MAN2A1: variants seen among roughly 807,000 people sequenced by gnomAD.
The protein encoded by MAN2A1 is mannosidase alpha class 2A member 1.
In MAN2A1, 76 loss-of-function variants were observed where a neutral mutation model predicts 142.6. The ratio of observed to expected loss-of-function variants is 0.53; its 90% CI spans 0.44 to 0.65. MAN2A1 has a LOEUF of 0.65. MAN2A1 is among the 30% of genes least tolerant of loss of function. The probability of loss-of-function intolerance (pLI) is 0.00; values close to 1 mark genes in which losing one functional copy is unlikely to be tolerated. For synonymous variants in MAN2A1, 559 were observed against 473.2 expected, an observed-to-expected ratio of 1.18 and a Z score of -2.35; for missense variants, 1,311 against 1,365.1, an observed-to-expected ratio of 0.96 and a Z score of 0.62.
intron 13 of MAN2A1, among the ~76,000 whole-genome samples, chr5:109,818,367 AC>A (rs900515737): frequency 1.3e-5 from 2 of 151,686 alleles, no homozygotes; most frequent in African/African-American, 4.9e-5. Context: ...CAAACTCCTG[AC>A]CCCGTGATCC....
rs1755939795 is a variant in MAN2A1 at position 109,868,694 on chromosome 5, G to A, written c.*1696G>A. On this transcript the variant is annotated 3_prime_UTR_variant, in exon 22 of 22. Coordinates refer to ENST00000261483, the MANE Select transcript of MAN2A1 (RefSeq NM_002372.4). The stretch of plus-strand genomic sequence containing the variant: ...AGTGTTGATAAAGATATTACAAGGG[G>A]TAATTTCATGCAATAAACATGTACC... 6.6e-6 allele frequency: 1 copy of A among 152,060 alleles called. No individual in the cohort carries two copies. The highest frequency in any genetic ancestry group is 2.1e-4 in the South Asian group (1 of 4,820). The allele number at this position is 152,060 out of a possible 1,614,324, so 9.4% of individuals were successfully genotyped here. A position where few individuals can be genotyped will look rare whatever the true frequency, so the allele number is the denominator to read the frequency against.
intron 5 of MAN2A1, among the ~76,000 whole-genome samples, chr5:109,758,741 A>G (rs906525143): frequency 1.3e-5 from 2 of 149,714 alleles, no homozygotes; most frequent in Non-Finnish European, 3.0e-5. Context: ...TATATTAACT[A>G]AAATATTAAT....
At chr5:109,786,957 C>CA (rs1254491227) in intron 10 of MAN2A1, among the ~76,000 whole-genome samples, 1 of 151,968 alleles carries the variant, frequency 6.6e-6, no homozygotes, top group Non-Finnish European at 1.5e-5. Flanking sequence ...TCTCCTCTGC[C>CA]ATAGTAGGGG....
chr5:109,789,219 A>G (rs1240319549), intron 11 of MAN2A1, among the ~76,000 whole-genome samples, 171 bp downstream of exon 11: 2 of 151,880 alleles, frequency 1.3e-5, no homozygotes, highest in East Asian at 1.9e-4. Flanking sequence ...CATCTTTTCT[A>G]TAAATATTTC....
intron 3 of MAN2A1, among the ~76,000 whole-genome samples, chr5:109,726,842 G>A (rs1235930076): frequency 6.6e-6 from 1 of 152,130 alleles, no homozygotes; most frequent in Non-Finnish European, 1.5e-5. Flanking sequence ...ACTATTTATA[G>A]TTCTTTAGCT....
intron 16 of MAN2A1, among the ~76,000 whole-genome samples, chr5:109,833,441 G>T (rs2112745579): frequency 6.6e-6 from 1 of 152,278 alleles, no homozygotes; most frequent in East Asian, 1.9e-4. Context: ...GCCGAGGCTA[G>T]CAGATCACTC....
Position 109,770,457 on chromosome 5 carries a change from A to G in MAN2A1, c.1112A>G (p.Asp371Gly). ...GATCCTAAAATATGCTGCCAGTTTG[A>G]TTTTAAACGTCTTCCTGGAGGCAGA... The part of the protein sequence containing the change: ...GPDPKICCQF[D>G]FKRLPGGRFG... Residue 371 changes from aspartate to glycine, a missense_variant, in exon 7 of 22, where the codon GAT becomes GGT. Physicochemically the swap from Asp to Gly is moderately conservative, Grantham distance 94. Coordinates refer to ENST00000261483, the MANE Select transcript of MAN2A1 (RefSeq NM_002372.4). 6.2e-7 allele frequency: 1 copy of G among 1,613,958 alleles called. No homozygotes were observed. The highest frequency in any genetic ancestry group is 8.5e-7 in the Non-Finnish European group (1 of 1,179,924).
At position 109,823,778 on chromosome 5, in the gene MAN2A1, C is replaced by T; in HGVS notation, c.2507C>T (p.Ser836Leu). 6.2e-7 allele frequency: 1 copy of T among 1,609,042 alleles called. No homozygotes were observed. The highest frequency in any genetic ancestry group is 8.5e-7 in the Non-Finnish European group (1 of 1,177,932). Residue 836 changes from serine to leucine, a missense_variant, in exon 16 of 22, where the codon TCG becomes TTG. Transcript: ENST00000261483. ...FVRVTHGRIY[S>L]EVTCFFDHVT... is the part of the protein sequence containing the mutation. Reference sequence around the variant, plus strand: ...AGAGTGACACATGGAAGGATTTATTCGGAAGTGACTTGCTTTTTTGACCAT... The same window carrying T: ...AGAGTGACACATGGAAGGATTTATTTGGAAGTGACTTGCTTTTTTGACCAT...
chr5:109,843,618 C>T (rs1755270960), intron 17 of MAN2A1, among the ~76,000 whole-genome samples: 1 of 152,250 alleles, frequency 6.6e-6, no homozygotes, highest in Admixed American at 6.5e-5. Flanking sequence ...CATACACAGA[C>T]ACACATGTAT....
intron 3 of MAN2A1, among the ~76,000 whole-genome samples, chr5:109,729,093 T>G (rs1751827456): frequency 6.6e-6 from 1 of 152,168 alleles, no homozygotes; most frequent in Admixed American, 6.5e-5. Flanking sequence ...AGGTCATCTA[T>G]CTTATTTTTC....
At chr5:109,816,438 A>AT (rs936879136) in intron 12 of MAN2A1, among the ~76,000 whole-genome samples, 72 of 149,780 alleles carry the variant, frequency 4.8e-4, no homozygotes, top group African/African-American at 1.5e-3. Flanking sequence ...ATCCCAATCA[A>AT]TTTTTTTTTT....
chr5:109,744,193 T>G (rs1752341775), intron 4 of MAN2A1, among the ~76,000 whole-genome samples: 1 of 152,160 alleles, frequency 6.6e-6, no homozygotes. Flanking sequence ...TAAGCAAGAC[T>G]GACCTGGTCC....
At chr5:109,766,649 G>C (rs1752999645) in intron 5 of MAN2A1, among the ~76,000 whole-genome samples, 2 of 151,870 alleles carry the variant, frequency 1.3e-5, no homozygotes, top group Non-Finnish European at 2.9e-5. Context: ...GTAACTGTGG[G>C]GTCTTTCATC....
intron 4 of MAN2A1, among the ~76,000 whole-genome samples, chr5:109,739,583 G>T (rs1752207620): frequency 6.6e-6 from 1 of 152,114 alleles, no homozygotes; most frequent in Non-Finnish European, 1.5e-5. Flanking sequence ...TGTGCTTTTT[G>T]TATTGTTGTC....
In MAN2A1 at chr5:109,789,440, A is replaced by T. The variant is rs773392494; in HGVS notation, c.1876-20A>T. 6.9e-7 allele frequency: 1 copy of T among 1,458,786 alleles called. No individual in the cohort carries two copies. Among genetic ancestry groups the T allele is most frequent in the Non-Finnish European group, 9.4e-7 (1 of 1,061,404 alleles). The allele number at this position is 1,458,786 out of a possible 1,614,324, so 90.4% of individuals were successfully genotyped here. ...ATGGAGTGTTAAGTAAAATTAAAAA[A>T]TTACTGTTCATTTTTATAGGATTTG... On this transcript the variant is annotated intron_variant, in intron 11 of 21. Transcript: ENST00000261483.
At position 109,745,128 on chromosome 5, in the gene MAN2A1, C is replaced by T. The variant is rs146543154; in HGVS notation, c.708-10201C>T. Among the ~76,000 whole-genome samples, 547 of 151,948 alleles carry T rather than the reference C, an allele frequency of 3.6e-3. 5 individuals carry two copies. Among genetic ancestry groups the T allele is most frequent in the African/African-American group, 0.013 (524 of 41,418 alleles). ...GTGAGTGGGCGAGCATGGATTGGAACGGGGCATGAGGGAACTCTCTGAATT... is the reference window on the plus strand; with the variant it reads ...GTGAGTGGGCGAGCATGGATTGGAATGGGGCATGAGGGAACTCTCTGAATT... On this transcript the variant is annotated intron_variant, in intron 4 of 21. Coordinates refer to ENST00000261483, the MANE Select transcript of MAN2A1 (RefSeq NM_002372.4).
rs1012420091 is a variant in MAN2A1 at position 109,755,268 on chromosome 5, G to C, written c.708-61G>C. The C allele has an allele frequency of 2.3e-6, 3 of 1,327,926 alleles. No individual in the cohort carries two copies. The East Asian group carries it at 6.9e-5, about 31-fold the overall frequency. The allele number at this position is 1,327,926 out of a possible 1,614,324, so 82.3% of individuals were successfully genotyped here. On this transcript the variant is annotated intron_variant, in intron 4 of 21. Coordinates refer to ENST00000261483, the MANE Select transcript of MAN2A1 (RefSeq NM_002372.4). The stretch of plus-strand genomic sequence containing the variant: ...TGTTCTTAATGTTTATGCTTGTTTA[G>C]TTTTTCATTTGAACTTTTCTTAACA...
At chr5:109,788,068 T>C (rs528849999) in intron 10 of MAN2A1, among the ~76,000 whole-genome samples, 2,243 of 151,906 alleles carry the variant, frequency 0.015, 34 homozygotes, top group Middle Eastern at 0.062. Context: ...CAAAAATGTC[T>C]TCAAGGCATA....
chr5:109,824,916 C>T (rs572760505), intron 16 of MAN2A1, among the ~76,000 whole-genome samples: 1 of 152,228 alleles, frequency 6.6e-6, no homozygotes, highest in South Asian at 2.1e-4. Flanking sequence ...CTTTCTCATG[C>T]AACTTCTTTA....
Sources: gnomAD v4.1 joint callset for allele counts (sites outside exome capture counted in the v4.1 genomes callset) on GRCh38, gnomAD v4.1.1 for gene constraint, MANE v1.5 for transcripts, NCBI Gene and HGNC (gene_info 2026-07-23, HGNC 2026-07-21) for gene names.